Variants in TENT4B observed in about 807,000 individuals in gnomAD.
TENT4B encodes PAP associated domain containing 5.
Under a neutral mutation model 75.0 loss-of-function variants are expected in TENT4B, and 10 were observed. That is an observed-to-expected ratio of 0.13 (90% confidence interval 0.08 to 0.23). TENT4B has a LOEUF of 0.23. Ranked by LOEUF, TENT4B falls within the 10% of genes least tolerant of loss-of-function variation. The pLI is 1.00. For missense variants in TENT4B, 579 were observed against 893.8 expected, an observed-to-expected ratio of 0.65 and a Z score of 4.49; for synonymous variants, 350 against 357.7, an observed-to-expected ratio of 0.98 and a Z score of 0.24.
rs373111010 is a variant in TENT4B, at chr16:50,234,720, A to T, written c.*5392A>T. ...GACGTGTCAAGAGTCTCCAGTCTTT[A>T]CTACTAAAAAGCAGCACTGCCTTAA... On this transcript the variant is annotated 3_prime_UTR_variant, in exon 12 of 12. Transcript: ENST00000561678. 1.6e-5 allele frequency: 16 copies of T among 985,460 alleles called. No homozygotes were observed. The East Asian group carries it at 4.5e-4, about 28-fold the overall frequency. The allele number at this position is 985,460 out of a possible 1,614,324, so 61.0% of individuals were successfully genotyped here. A position where few individuals can be genotyped will look rare whatever the true frequency, so the allele number is the denominator to read the frequency against.
intron 1 of TENT4B, among the ~76,000 whole-genome samples, chr16:50,191,776 G>A (rs1028966717): frequency 1.3e-5 from 2 of 151,594 alleles, no homozygotes; most frequent in Non-Finnish European, 2.9e-5. Flanking sequence ...AAAATTAGCC[G>A]GGCATGGTGG....
In TENT4B at chr16:50,227,952, A is replaced by G. The variant is rs1198051905; in HGVS notation, c.1914A>G (p.Lys638=). The G allele has an allele frequency of 6.2e-7, 1 of 1,613,910 alleles. No individual in the cohort carries two copies. Among genetic ancestry groups the G allele is most frequent in the Non-Finnish European group, 8.5e-7 (1 of 1,179,912 alleles). ...TGGAGTCCTCTCAGGCAGTTGGGAA[A>G]ATGCAAAGCACCCAAACCACTAACA... ...VSLESSQAVG[K]MQSTQTTNTS... The change falls in exon 11 of 12, where the codon AAA becomes AAG. Residue 638 remains lysine, a synonymous_variant. Coordinates refer to ENST00000561678, the MANE Select transcript of TENT4B (RefSeq NM_001365324.3).
chr16:50,194,107 G>GT (rs2030039998), intron 1 of TENT4B, among the ~76,000 whole-genome samples: 1 of 151,400 alleles, frequency 6.6e-6, no homozygotes, highest in South Asian at 2.1e-4. Flanking sequence ...AGTGAGATCT[G>GT]TTTTTTTCCT....
At chr16:50,176,494 C>CTTTTTTTT (rs34067223) in intron 1 of TENT4B, among the ~76,000 whole-genome samples, 1 of 53,042 alleles carries the variant, frequency 1.9e-5, no homozygotes. Flanking sequence ...ACCAATAATT[C>CTTTTTTTT]TTTTTTTTTT....
Position 50,153,446 on chromosome 16 carries a change from G to C in TENT4B, c.-176G>C. 1.1e-6 allele frequency: 1 copy of C among 902,660 alleles called. No homozygotes were observed. The highest frequency in any genetic ancestry group is 5.0e-5 in the South Asian group (1 of 19,802). The allele number at this position is 902,660 out of a possible 1,614,324, so 55.9% of individuals were successfully genotyped here. A position where few individuals can be genotyped will look rare whatever the true frequency, so the allele number is the denominator to read the frequency against. On this transcript the variant is annotated 5_prime_UTR_variant, in exon 1 of 12. Transcript: ENST00000561678. The stretch of plus-strand genomic sequence containing the variant: ...GGGCGGGAGCGACGCCGCCGGCGCC[G>C]GCCGGGCTCCCTGCGCGACCGCGCC...
intron 1 of TENT4B, among the ~76,000 whole-genome samples, chr16:50,193,925 T>C (rs1458503847): frequency 6.6e-6 from 1 of 152,204 alleles, no homozygotes; most frequent in East Asian, 1.9e-4. Flanking sequence ...GCCACTGGGC[T>C]TAGCACCCCA....
intron 1 of TENT4B, among the ~76,000 whole-genome samples, chr16:50,188,559 A>G (rs2038579863): frequency 6.6e-6 from 1 of 152,228 alleles, no homozygotes; most frequent in Non-Finnish European, 1.5e-5. Flanking sequence ...TGAAATGAAA[A>G]CACAGCATTT....
rs1238338087 is a variant in TENT4B at position 50,214,221 on chromosome 16, G to A, written c.763G>A (p.Val255Ile). 2 of 1,580,120 alleles carry A rather than the reference G, an allele frequency of 1.3e-6. No individual in the cohort carries two copies. Among genetic ancestry groups the A allele is most frequent in the Admixed American group, 3.4e-5 (2 of 58,660 alleles). Residue 255 changes from valine (V) to isoleucine (I), a missense_variant and splice_region_variant, in exon 3 of 12, where the codon GTC (valine) becomes ATC (isoleucine). This residue lies in a region of TENT4B where 18 missense variants were observed against 23.9 expected (regional missense o/e 0.75). Coordinates refer to ENST00000561678, the MANE Select transcript of TENT4B (RefSeq NM_001365324.3). The part of the protein sequence containing the change: ...VIKELWPSAD[V>I]QIFGSFKTGL... ...ATAACAACTTCTTTTTCTGTTTCAG[G>A]TCCAGATATTTGGAAGTTTTAAAAC...
intron 1 of TENT4B, among the ~76,000 whole-genome samples, chr16:50,158,039 A>G (rs943887859): frequency 6.6e-6 from 1 of 152,070 alleles, no homozygotes; most frequent in African/African-American, 2.4e-5. Context: ...TGTTGGGATT[A>G]CAGGTGTGAG....
intron 8 of TENT4B, 52 bp from the exon 9 acceptor site, chr16:50,224,839 C>T: frequency 1.9e-6 from 3 of 1,612,016 alleles, no homozygotes; most frequent in Non-Finnish European, 2.5e-6. Flanking sequence ...GGCTTCTTAT[C>T]TTCAAATTAA....
In TENT4B at chr16:50,225,328, A is replaced by G. The variant is rs187757199; in HGVS notation, c.1800+43A>G. 17 of 1,548,586 alleles carry G rather than the reference A, an allele frequency of 1.1e-5. No individual in the cohort carries two copies. The Admixed American group carries it at 1.9e-4, about 17-fold the overall frequency. ...GGCTCTTCTGAACTCAGATGCATGC[A>G]CGTTCTCTTGCTGGGGTTAACACTG... On this transcript the variant is annotated intron_variant, in intron 10 of 11. Transcript: ENST00000561678.
chr16:50,201,872 C>T (rs1324515333), intron 1 of TENT4B, among the ~76,000 whole-genome samples: 1 of 148,878 alleles, frequency 6.7e-6, no homozygotes, highest in Non-Finnish European at 1.5e-5. Context: ...CAGTGGTGCA[C>T]ACCTGTAACC....
chr16:50,229,117 A>G lies in TENT4B; in HGVS notation c.1966-35A>G, dbSNP rs753309760. The G allele has an allele frequency of 5.6e-6, 9 of 1,607,326 alleles. No homozygotes were observed. In the Admixed American group the frequency reaches 1.5e-4, roughly 28 times the overall value. On this transcript the variant is annotated intron_variant, in intron 11 of 11. Transcript: ENST00000561678. ...TGAGAACACTCTGCTTTTCTGCAATACTGATGTCTTTGTGGTCGTTTTCTG... is the reference window on the plus strand; with the variant it reads ...TGAGAACACTCTGCTTTTCTGCAATGCTGATGTCTTTGTGGTCGTTTTCTG...
Position 50,211,485 on chromosome 16 carries a change from C to T in TENT4B, c.762+39C>T, listed in dbSNP as rs756371380. 6.6e-6 allele frequency: 10 copies of T among 1,519,774 alleles called. No homozygotes were observed. The Admixed American group carries it at 2.5e-4, about 37-fold the overall frequency. 94.1% of individuals were successfully genotyped at this position (1,519,774 alleles called of 1,614,324 possible). On this transcript the variant is annotated intron_variant, in intron 2 of 11. Coordinates refer to ENST00000561678, the MANE Select transcript of TENT4B (RefSeq NM_001365324.3). ...TGGGTAGCTTATGCTTCGGACAGTC[C>T]TTGTCCACGGGCTAGAAGCCTATCT... is the stretch of plus-strand genomic sequence containing the variant.
intron 10 of TENT4B, among the ~76,000 whole-genome samples, chr16:50,226,495 G>A (rs905273335): frequency 1.1e-4 from 16 of 151,848 alleles, no homozygotes; most frequent in African/African-American, 2.9e-4. Context: ...GCAGTGGCGC[G>A]ATCTTGGCTC....
At chr16:50,198,897 A>G (rs182045850) in intron 1 of TENT4B, among the ~76,000 whole-genome samples, 5 of 152,344 alleles carry the variant, frequency 3.3e-5, no homozygotes, top group Admixed American at 2.6e-4. Context: ...ATATATAATC[A>G]AAGTCTTTGT....
Position 50,229,460 on chromosome 16 carries a change from A to G in TENT4B, c.*132A>G. 3 of 1,308,434 alleles carry G rather than the reference A, an allele frequency of 2.3e-6. No homozygotes were observed. The highest frequency in any genetic ancestry group is 2.6e-5 in the South Asian group (1 of 38,412). 81.1% of individuals were successfully genotyped at this position (1,308,434 alleles called of 1,614,324 possible). A position where few individuals can be genotyped will look rare whatever the true frequency, so the allele number is the denominator to read the frequency against. ...TGACTTAGCAACTGCGTTTTTTCCC[A>G]GCTCGCCACAGAATGGATCATGAAG... is the stretch of plus-strand genomic sequence containing the variant. On this transcript the variant is annotated 3_prime_UTR_variant, in exon 12 of 12. Transcript: ENST00000561678.
intron 1 of TENT4B, among the ~76,000 whole-genome samples, chr16:50,170,745 C>T (rs528061036): frequency 6.6e-6 from 1 of 152,164 alleles, no homozygotes; most frequent in East Asian, 1.9e-4. Context: ...CGGTTCACCA[C>T]AACCTCCACC....
chr16:50,172,227 T>C (rs140689058), intron 1 of TENT4B, among the ~76,000 whole-genome samples: 185 of 151,874 alleles, frequency 1.2e-3, no homozygotes, highest in African/African-American at 4.2e-3. Context: ...AGGTGGTGCA[T>C]GCCTGTAATC....
Sources: gnomAD v4.1 joint callset for allele counts (sites outside exome capture counted in the v4.1 genomes callset) on GRCh38, gnomAD v4.1.1 for gene constraint, gnomAD v4.1.1 regional missense constraint, MANE v1.5 for transcripts, NCBI Gene and HGNC (gene_info 2026-07-23, HGNC 2026-07-21) for gene names.